Variants in TAOK3 observed in about 807,000 individuals in gnomAD.
TAOK3 encodes TAO kinase 3.
TAOK3 carries 40 observed loss-of-function variants against 120.4 expected under a neutral mutation model. That is an observed-to-expected ratio of 0.33 (90% CI 0.26 to 0.43). The LOEUF (loss-of-function observed/expected upper bound fraction) is 0.43. Among genes scored for constraint, TAOK3 ranks in the 20% least tolerant of loss-of-function variants. TAOK3 has a pLI of 1.00. For synonymous variants in TAOK3, 355 were observed against 387.5 expected (o/e 0.92, Z 0.99); for missense variants, 821 against 1,112.1 (o/e 0.74, Z 3.72).
At chr12:118,239,206 G>A in intron 6 of TAOK3, 21 bp downstream of exon 6, 3 of 1,484,318 alleles carry the variant, frequency 2.0e-6, no homozygotes, top group Non-Finnish European at 2.8e-6. Context: ...AGAAAGGAGA[G>A]TTTAATTCCT....
chr12:118,316,704 C>T (rs557952694), intron 1 of TAOK3, among the ~76,000 whole-genome samples: 12 of 152,194 alleles, frequency 7.9e-5, no homozygotes, highest in African/African-American at 2.4e-4. Flanking sequence ...CATGAGCCAT[C>T]GTGGCTGGCC....
chr12:118,333,055 C>G (rs1014395058), intron 1 of TAOK3, among the ~76,000 whole-genome samples: 2 of 151,832 alleles, frequency 1.3e-5, no homozygotes, highest in African/African-American at 2.4e-5. Flanking sequence ...CTTGAACACT[C>G]CACTCTCAGC....
intron 1 of TAOK3, among the ~76,000 whole-genome samples, chr12:118,305,926 A>T (rs988656928): frequency 2.6e-5 from 4 of 151,360 alleles, no homozygotes; most frequent in Admixed American, 6.6e-5. Flanking sequence ...AAAAAAAAAA[A>T]GTTGGCTCAA....
rs765299318 is a variant in TAOK3 at position 118,214,125 on chromosome 12, A to G, written c.644-15T>C. The G allele has an allele frequency of 1.8e-5, 28 of 1,599,718 alleles. No homozygotes were observed. The Admixed American group carries it at 4.8e-4, about 27-fold the overall frequency. On this transcript the variant is annotated splice_polypyrimidine_tract_variant and intron_variant, in intron 9 of 20. Coordinates refer to ENST00000392533, the MANE Select transcript of TAOK3 (RefSeq NM_016281.4). The stretch of plus-strand genomic sequence containing the variant: ...CTTCCGTTCCGCTGGAAGAGGAAAG[A>G]AACACAATAAAGTAGTTCTTGAAGG...
At chr12:118,253,413 T>C (rs2040839924) in intron 3 of TAOK3, among the ~76,000 whole-genome samples, 1 of 152,174 alleles carries the variant, frequency 6.6e-6, no homozygotes, top group South Asian at 2.1e-4. Flanking sequence ...AATGGACTAT[T>C]ATGCTTAAGG....
intron 1 of TAOK3, among the ~76,000 whole-genome samples, chr12:118,328,244 A>G (rs1394460068): frequency 6.6e-6 from 1 of 152,054 alleles, no homozygotes; most frequent in Non-Finnish European, 1.5e-5. Context: ...TATTTTTAGT[A>G]GAGATGGGAT....
intron 1 of TAOK3, among the ~76,000 whole-genome samples, chr12:118,296,352 T>G (rs1375837093): frequency 6.6e-6 from 1 of 152,190 alleles, no homozygotes; most frequent in Non-Finnish European, 1.5e-5. Context: ...CAGGCTGGTC[T>G]CGAACTCCTG....
At chr12:118,363,846 G>A (rs1032444431) in intron 1 of TAOK3, among the ~76,000 whole-genome samples, 10 of 152,072 alleles carry the variant, frequency 6.6e-5, no homozygotes, top group Non-Finnish European at 1.2e-4. Context: ...TACAGGCCAG[G>A]CGCGGTGGCT....
chr12:118,243,132 G>A (rs1445899510), intron 5 of TAOK3, among the ~76,000 whole-genome samples: 1 of 152,012 alleles, frequency 6.6e-6, no homozygotes, highest in Non-Finnish European at 1.5e-5. Flanking sequence ...ATAAGGCTGT[G>A]CCTTTTACTT....
intron 13 of TAOK3, among the ~76,000 whole-genome samples, chr12:118,193,307 T>C (rs967112383): frequency 8.6e-5 from 13 of 151,620 alleles, no homozygotes; most frequent in African/African-American, 3.1e-4. Flanking sequence ...CCTTGGCCTC[T>C]CAAAGTGCTA....
intron 2 of TAOK3, among the ~76,000 whole-genome samples, chr12:118,265,243 G>A (rs2041393287): frequency 6.6e-6 from 1 of 151,830 alleles, no homozygotes; most frequent in Admixed American, 6.6e-5. Flanking sequence ...ACAAAAACTA[G>A]CCGGGCATGG....
At chr12:118,257,996 G>T (rs1292660427) in intron 2 of TAOK3, among the ~76,000 whole-genome samples, 1 of 152,114 alleles carries the variant, frequency 6.6e-6, no homozygotes, top group African/African-American at 2.4e-5. Context: ...TAACTGATTG[G>T]ATCATGAGGG....
intron 1 of TAOK3, among the ~76,000 whole-genome samples, chr12:118,291,972 C>T (rs1220621862): frequency 1.3e-5 from 2 of 152,102 alleles, no homozygotes; most frequent in South Asian, 2.1e-4. Flanking sequence ...TGCCAACACA[C>T]CTGGCTGATT....
intron 1 of TAOK3, among the ~76,000 whole-genome samples, chr12:118,278,318 T>A (rs1044674980): frequency 6.6e-6 from 1 of 152,090 alleles, no homozygotes; most frequent in Non-Finnish European, 1.5e-5. Context: ...AAGTAGGCCC[T>A]GGTGTCTGTG....
intron 9 of TAOK3, among the ~76,000 whole-genome samples, chr12:118,230,663 G>T (rs987523659): frequency 8.6e-5 from 13 of 151,650 alleles, no homozygotes; most frequent in Non-Finnish European, 1.6e-4. Flanking sequence ...TAGAGACGGG[G>T]TTTCACCTTG....
intron 19 of TAOK3, among the ~76,000 whole-genome samples, chr12:118,155,620 A>G (rs143895191): frequency 4.3e-4 from 65 of 152,354 alleles, no homozygotes; most frequent in South Asian, 1.2e-3. Flanking sequence ...AGTAGTCAGT[A>G]AAGGATGCTG....
At position 118,199,250 on chromosome 12, in the gene TAOK3, T is replaced by G; in HGVS notation, c.995A>C (p.Glu332Ala). Residue 332 changes from glutamate to alanine, a missense_variant, in exon 13 of 21, where the codon GAA becomes GCA. Around this residue, in one of 2 missense-constraint regions of TAOK3, gnomAD observed 467 missense variants for 540.0 expected, o/e 0.86. Coordinates refer to ENST00000392533, the MANE Select transcript of TAOK3 (RefSeq NM_016281.4). ...TTCCCTGTTCAGGCTGGTTCCATGT[T>G]CACTGTCCTGTAAAAATGGGGCACT... is the stretch of plus-strand genomic sequence containing the variant. Reference protein sequence around the residue: ...NESQEDEEDSEHGTSLNREMD... With the variant: ...NESQEDEEDSAHGTSLNREMD... 6.2e-7 allele frequency: 1 copy of G among 1,613,672 alleles called. No individual in the cohort carries two copies. Among genetic ancestry groups the G allele is most frequent in the East Asian group, 2.2e-5 (1 of 44,880 alleles).
Position 118,268,339 on chromosome 12 carries a change from T to C in TAOK3, c.-193-1580A>G, listed in dbSNP as rs1031766694. Among the ~76,000 whole-genome samples the C allele has an allele frequency of 2.2e-4, 34 of 152,160 alleles. 1 individual carries two copies. Among genetic ancestry groups the C allele is most frequent in the Admixed American group, 1.9e-3 (29 of 15,266 alleles). On this transcript the variant is annotated intron_variant, in intron 1 of 20. Transcript: ENST00000392533. ...TATAACAATTTAAAACCTACATATA[T>C]TGGAATAATTTTTAGATGCTTGACT... is the stretch of plus-strand genomic sequence containing the variant.
chr12:118,370,494 G>A (rs766025243), intron 1 of TAOK3, among the ~76,000 whole-genome samples: 33 of 151,976 alleles, frequency 2.2e-4, no homozygotes, highest in Non-Finnish European at 4.1e-4. Context: ...CTAAATAACC[G>A]ACATTACATA....
Sources: allele counts gnomAD v4.1 joint callset (sites outside exome capture counted in the v4.1 genomes callset), GRCh38; gene constraint gnomAD v4.1.1; regional missense constraint gnomAD v4.1.1; transcripts MANE v1.5; gene names NCBI Gene and HGNC (gene_info 2026-07-23, HGNC 2026-07-21).